The following CALN1 variants were observed in gnomAD, a reference collection of about 807,000 sequenced individuals.
The protein encoded by CALN1 is calneuron 1, also known as calcium-binding protein 8.
In CALN1, 17 loss-of-function variants were observed where a neutral mutation model predicts 30.6. That is an observed-to-expected ratio of 0.56 (90% CI 0.38 to 0.83). CALN1 has a LOEUF of 0.83. CALN1 is among the 40% of genes least tolerant of loss of function. The pLI is 0.00. For synonymous variants in CALN1, 156 were observed against 131.4 expected (o/e 1.19, Z -1.28); for missense variants, 291 against 354.9 (o/e 0.82, Z 1.45).
chr7:72,240,334 A>C (rs1054240475), intron 3 of CALN1, among the ~76,000 whole-genome samples: 5 of 152,008 alleles, frequency 3.3e-5, no homozygotes, highest in African/African-American at 1.2e-4. Flanking sequence ...ATCTGGGACT[A>C]TAAGGACGTG....
At chr7:72,094,594 G>A (rs1806092311) in intron 4 of CALN1, among the ~76,000 whole-genome samples, 1 of 151,966 alleles carries the variant, frequency 6.6e-6, no homozygotes, top group Non-Finnish European at 1.5e-5. Context: ...TAGCTAGAAG[G>A]GACTCAAATA....
At chr7:72,387,162 C>T (rs1366880106) in intron 2 of CALN1, among the ~76,000 whole-genome samples, 1 of 135,788 alleles carries the variant, frequency 7.4e-6, no homozygotes. Context: ...TAAGTCCATA[C>T]TTATGAAAAT....
At chr7:72,248,303 T>C (rs892131822) in intron 3 of CALN1, among the ~76,000 whole-genome samples, 1 of 152,060 alleles carries the variant, frequency 6.6e-6, no homozygotes, top group Non-Finnish European at 1.5e-5. Context: ...TTAGTAGCAA[T>C]GGGATTTCAC....
chr7:72,313,949 G>T (rs1346426533), intron 2 of CALN1, among the ~76,000 whole-genome samples: 1 of 152,146 alleles, frequency 6.6e-6, no homozygotes, highest in African/African-American at 2.4e-5. Context: ...GCCTATTGTG[G>T]GTCTACACCA....
chr7:72,043,359 A>T (rs975224560), intron 4 of CALN1, among the ~76,000 whole-genome samples: 1 of 152,224 alleles, frequency 6.6e-6, no homozygotes, highest in African/African-American at 2.4e-5. Flanking sequence ...AGGGGAGCAG[A>T]ACAACAAGCA....
chr7:72,241,693 T>C (rs377495782), intron 3 of CALN1, among the ~76,000 whole-genome samples: 1 of 150,524 alleles, frequency 6.6e-6, no homozygotes, highest in African/African-American at 2.5e-5. Flanking sequence ...GCAATAAGAG[T>C]GAAACTCCAT....
At chr7:72,034,194 A>C (rs1486792689) in intron 4 of CALN1, among the ~76,000 whole-genome samples, 2 of 151,902 alleles carry the variant, frequency 1.3e-5, no homozygotes, top group Non-Finnish European at 2.9e-5. Context: ...TCTACTAAAA[A>C]TACAAAAAAA....
chr7:71,921,403 T>C (rs1794938865), intron 5 of CALN1, among the ~76,000 whole-genome samples: 4 of 152,180 alleles, frequency 2.6e-5, no homozygotes. Context: ...GATTTGTTCC[T>C]CTTTTAGCAT....
intron 6 of CALN1, among the ~76,000 whole-genome samples, chr7:71,797,229 G>T (rs1051234240): frequency 5.3e-5 from 8 of 152,180 alleles, no homozygotes; most frequent in African/African-American, 1.9e-4. Flanking sequence ...CAGACCAAAA[G>T]AAGTCATATT....
intron 2 of CALN1, among the ~76,000 whole-genome samples, chr7:72,286,889 A>G (rs1331052243): frequency 1.3e-5 from 2 of 152,264 alleles, no homozygotes; most frequent in African/African-American, 2.4e-5. Context: ...CAAGGTGTCT[A>G]TGACACAGGA....
At chr7:71,939,080 G>C (rs114880584) in intron 5 of CALN1, among the ~76,000 whole-genome samples, 1 of 152,158 alleles carries the variant, frequency 6.6e-6, no homozygotes, top group African/African-American at 2.4e-5. Context: ...TCTAATAAAA[G>C]AATAAGAGGG....
At chr7:72,343,580 G>C (rs532360147) in intron 2 of CALN1, among the ~76,000 whole-genome samples, 2 of 151,938 alleles carry the variant, frequency 1.3e-5, no homozygotes, top group African/African-American at 4.8e-5. Context: ...CCAATGGCAA[G>C]GATACCTAAT....
intron 5 of CALN1, among the ~76,000 whole-genome samples, chr7:71,838,604 G>T (rs1789756259): frequency 6.6e-6 from 1 of 152,150 alleles, no homozygotes; most frequent in Non-Finnish European, 1.5e-5. Context: ...TGGTTTGGCT[G>T]TGTCCCCACC....
chr7:71,897,980 A>AC (rs1382567770), intron 5 of CALN1, among the ~76,000 whole-genome samples: 2 of 120,620 alleles, frequency 1.7e-5, no homozygotes, highest in East Asian at 2.6e-4. Context: ...AACAAAAAAA[A>AC]AAAAAAAAAA....
intron 2 of CALN1, among the ~76,000 whole-genome samples, chr7:72,341,990 A>G (rs963531404): frequency 6.6e-6 from 1 of 151,944 alleles, no homozygotes; most frequent in African/African-American, 2.4e-5. Context: ...AGTGGCTCAC[A>G]CTTGTAATAC....
intron 2 of CALN1, among the ~76,000 whole-genome samples, chr7:72,279,541 T>A (rs986017632): frequency 2.0e-5 from 3 of 152,094 alleles, no homozygotes; most frequent in African/African-American, 7.2e-5. Context: ...TCTACGCCAA[T>A]AGAAAAAAGC....
At chr7:72,501,370 TAAAAAAAAAAA>T in the CALN1 span, among the ~76,000 whole-genome samples, 8 of 42,810 alleles carry the variant, frequency 1.9e-4, no homozygotes, top group Middle Eastern at 0.029. Context: ...ACGTCTCTAT[TAAAAAAAAAAA>T]AAAAAAAAAA....
chr7:72,099,680 T>C (rs1199411521), intron 4 of CALN1, among the ~76,000 whole-genome samples: 1 of 152,118 alleles, frequency 6.6e-6, no homozygotes, highest in African/African-American at 2.4e-5. Context: ...GTGGCAGCAA[T>C]ACCCGTAGCC....
At chr7:72,181,108 CCCA>C (rs5884876) in intron 3 of CALN1, among the ~76,000 whole-genome samples, 32,853 of 112,472 alleles carry the variant, frequency 0.29, 4,754 homozygotes, top group Middle Eastern at 0.38. Context: ...CCCCCCCCCC[CCCA>C]AAAAAAAAAA....
Sources: allele counts gnomAD v4.1 joint callset (sites outside exome capture counted in the v4.1 genomes callset), GRCh38; gene constraint gnomAD v4.1.1; transcripts MANE v1.5; gene names NCBI Gene and HGNC (gene_info 2026-07-23, HGNC 2026-07-21).